Variants in RPH3AL observed in about 807,000 individuals in gnomAD.
The protein encoded by RPH3AL is rab effector Noc2.
A neutral mutation model predicts 43.1 loss-of-function variants in RPH3AL; 38 were observed. That is an observed-to-expected ratio of 0.88 (90% CI 0.68 to 1.15). RPH3AL has a LOEUF of 1.15. Among genes scored for constraint, RPH3AL ranks in the 50% most tolerant of loss-of-function variants. The pLI, the probability that RPH3AL is intolerant of heterozygous loss-of-function variation, is 0.00. For missense variants in RPH3AL, 462 were observed against 423.2 expected (o/e 1.09, Z -0.81); for synonymous variants, 189 against 176.3 (o/e 1.07, Z -0.57).
At chr17:277,817 G>A (rs920607417) in intron 6 of RPH3AL, among the ~76,000 whole-genome samples, 4 of 152,034 alleles carry the variant, frequency 2.6e-5, no homozygotes, top group South Asian at 2.1e-4. Flanking sequence ...TTAGCTGGGC[G>A]TGGTGGTACA....
intron 7 of RPH3AL, among the ~76,000 whole-genome samples, chr17:235,386 T>C (rs2041347569): frequency 6.9e-6 from 1 of 144,400 alleles, no homozygotes; most frequent in Non-Finnish European, 1.5e-5. Flanking sequence ...GGCTCTACAC[T>C]AACAAGACAG....
At chr17:298,621 C>T (rs1410908873) in intron 5 of RPH3AL, among the ~76,000 whole-genome samples, 1 of 151,874 alleles carries the variant, frequency 6.6e-6, no homozygotes, top group Non-Finnish European at 1.5e-5. Context: ...AGGAGAATCA[C>T]TTGAACCCGG....
Position 319,476 on chromosome 17 carries a change from C to T in RPH3AL, c.295G>A (p.Gly99Arg), listed in dbSNP as rs150241223. ...CTGCCCAGGAAGCCCAGCACCTCCC[C>T]GCAGAGCAGACACTGGGACAGGCCG... ...GNGLSQCLLC[G>R]EVLGFLGSSS... The change falls in exon 5 of 10, where the codon GGG (glycine) becomes AGG (arginine). Residue 99 changes from glycine to arginine, a missense_variant. Physicochemically the swap from Gly to Arg is moderately radical, Grantham distance 125. Coordinates refer to ENST00000331302, the MANE Select transcript of RPH3AL (RefSeq NM_006987.4). 1,021 of 1,612,670 alleles carry T rather than the reference C, an allele frequency of 6.3e-4. No homozygotes were observed. The highest frequency in any genetic ancestry group is 7.4e-4 in the Non-Finnish European group (868 of 1,179,948).
At chr17:285,778 A>G (rs1464234397) in intron 5 of RPH3AL, among the ~76,000 whole-genome samples, 2 of 152,132 alleles carry the variant, frequency 1.3e-5, no homozygotes, top group East Asian at 3.8e-4. Flanking sequence ...TCAACCTGCC[A>G]ACAGCCTGCT....
intron 6 of RPH3AL, among the ~76,000 whole-genome samples, chr17:272,412 G>T (rs1268705526): frequency 1.3e-5 from 2 of 151,800 alleles, no homozygotes; most frequent in African/African-American, 2.4e-5. Context: ...ACACCATGGA[G>T]TACTATGCAG....
At position 213,443 on chromosome 17, in the gene RPH3AL, G is replaced by A. The variant is rs763831910; in HGVS notation, c.*409C>T. On this transcript the variant is annotated 3_prime_UTR_variant, in exon 10 of 10. Transcript: ENST00000331302. ...CCTCTAAGGGGCCACACGCAGCTTC[G>A]GAGGCCGTGCCCTAGGTTTCATTTA... 3 of 269,802 alleles carry A rather than the reference G, an allele frequency of 1.1e-5. No homozygotes were observed. The highest frequency in any genetic ancestry group is 7.4e-5 in the South Asian group (2 of 27,172). 16.7% of individuals were successfully genotyped at this position (269,802 alleles called of 1,614,324 possible). A position where few individuals can be genotyped will look rare whatever the true frequency, so the allele number is the denominator to read the frequency against.
chr17:263,393 G>A (rs543603240), intron 6 of RPH3AL, among the ~76,000 whole-genome samples: 94 of 152,328 alleles, frequency 6.2e-4, no homozygotes, highest in Non-Finnish European at 1.1e-3. Flanking sequence ...GGAGTCAATA[G>A]AGAGTCTCCC....
intron 5 of RPH3AL, among the ~76,000 whole-genome samples, chr17:310,687 T>G (rs2043623011): frequency 6.6e-6 from 1 of 152,164 alleles, no homozygotes; most frequent in African/African-American, 2.4e-5. Context: ...TTCCCAGCTG[T>G]AATTAATTAC....
At chr17:342,590 G>A (rs2045147485) in intron 1 of RPH3AL, among the ~76,000 whole-genome samples, 1 of 152,192 alleles carries the variant, frequency 6.6e-6, no homozygotes, top group Non-Finnish European at 1.5e-5. Context: ...GTTAAAAGAA[G>A]CCAGTCACAA....
intron 6 of RPH3AL, among the ~76,000 whole-genome samples, chr17:281,044 C>T (rs1055316367): frequency 1.3e-5 from 2 of 152,206 alleles, no homozygotes; most frequent in Non-Finnish European, 1.5e-5. Flanking sequence ...CTACCTGCCA[C>T]GTCCTGCTGT....
At chr17:242,577 T>G (rs1555537517) in intron 7 of RPH3AL, among the ~76,000 whole-genome samples, 19 of 130,762 alleles carry the variant, frequency 1.5e-4, no homozygotes, top group African/African-American at 4.2e-4. Flanking sequence ...ATTGACTACC[T>G]TCCTCTATTG....
At chr17:319,620 C>T in intron 4 of RPH3AL, 71 bp from the exon 5 acceptor site, 1 of 1,568,752 alleles carries the variant, frequency 6.4e-7, no homozygotes, top group Non-Finnish European at 8.6e-7. Context: ...AGGCCCGAAA[C>T]CGTACCATGC....
At chr17:346,712 CAATA>C (rs1451715763) in intron 1 of RPH3AL, among the ~76,000 whole-genome samples, 2 of 134,680 alleles carry the variant, frequency 1.5e-5, no homozygotes, top group East Asian at 4.7e-4. Flanking sequence ...AAGTCAGAGA[CAATA>C]AATAAGATTA....
chr17:317,112 T>C (rs913157090), intron 5 of RPH3AL, among the ~76,000 whole-genome samples: 5 of 147,490 alleles, frequency 3.4e-5, no homozygotes, highest in Non-Finnish European at 7.4e-5. Context: ...GTAGTCCCTG[T>C]GACTCCACCT....
intron 6 of RPH3AL, among the ~76,000 whole-genome samples, chr17:252,983 G>A (rs782780686): frequency 1.1e-4 from 16 of 152,186 alleles, no homozygotes; most frequent in South Asian, 2.1e-4. Context: ...GAGTCAGGCC[G>A]CCCTCCAGGA....
intron 5 of RPH3AL, among the ~76,000 whole-genome samples, chr17:314,669 G>A (rs1158722972): frequency 1.7e-5 from 2 of 120,060 alleles, no homozygotes; most frequent in African/African-American, 6.8e-5. Context: ...CCATTGACCT[G>A]TAGTCTCTGT....
At position 281,863 on chromosome 17, in the gene RPH3AL, G is replaced by C. The variant is rs759884533; in HGVS notation, c.352-9C>G. ...CATTTGGTGCAGACTTTCTACAAGA[G>C]AGAGGACATGGGGTTGTAAAGATTG... On this transcript the variant is annotated splice_polypyrimidine_tract_variant and intron_variant, in intron 5 of 9. Coordinates refer to ENST00000331302, the MANE Select transcript of RPH3AL (RefSeq NM_006987.4). The C allele has an allele frequency of 2.5e-6, 4 of 1,610,732 alleles. No homozygotes were observed. In the South Asian group the frequency reaches 3.3e-5, roughly 13 times the overall value.
chr17:242,580 C>T lies in RPH3AL; in HGVS notation c.613+4531G>A, dbSNP rs535895180. On this transcript the variant is annotated intron_variant, in intron 7 of 9. Transcript: ENST00000331302. ...TTACCTTCCTCTATTGACTACCTTC[C>T]TCTATTGACTACCTTCCTCTATTGA... 1.6e-3 allele frequency among the ~76,000 whole-genome samples: 222 copies of T among 137,300 alleles called. 1 individual carries two copies. Among genetic ancestry groups the T allele is most frequent in the Middle Eastern group, 3.9e-3 (1 of 258 alleles). 90.1% of individuals were successfully genotyped at this position (137,300 alleles called of 152,430 possible). A position where few individuals can be genotyped will look rare whatever the true frequency, so the allele number is the denominator to read the frequency against.
chr17:247,058 C>T, intron 7 of RPH3AL, 53 bp downstream of exon 7: 1 of 1,604,744 alleles, frequency 6.2e-7, no homozygotes, highest in Non-Finnish European at 8.5e-7. Context: ...GCCGGGCTGG[C>T]TAATGACCCA....
Sources: allele counts gnomAD v4.1 joint callset (sites outside exome capture counted in the v4.1 genomes callset), GRCh38; gene constraint gnomAD v4.1.1; transcripts MANE v1.5; gene names NCBI Gene and HGNC (gene_info 2026-07-23, HGNC 2026-07-21).